The following SLC35F2 variants were observed in gnomAD, a reference collection of about 807,000 sequenced individuals.
The protein encoded by SLC35F2 is solute carrier family 35 member F2.
In SLC35F2, 25 loss-of-function variants were observed where a neutral mutation model predicts 38.1. That is an observed-to-expected ratio of 0.66 (90% confidence interval 0.48 to 0.92). The LOEUF is 0.92. Among genes scored for constraint, SLC35F2 ranks in the 40% least tolerant of loss-of-function variants. SLC35F2 has a pLI of 0.00. For missense variants in SLC35F2, 409 were observed against 452.9 expected (o/e 0.90, Z 0.88); for synonymous variants, 173 against 181.7 (o/e 0.95, Z 0.38).
chr11:107,821,590 A>C (rs1859674262), intron 1 of SLC35F2: 1 of 985,456 alleles, frequency 1.0e-6, no homozygotes, highest in Admixed American at 6.1e-5. Context: ...ATAAATTTGT[A>C]CAAGGTCCTG....
chr11:107,851,654 A>G (rs1860188806), intron 1 of SLC35F2, among the ~76,000 whole-genome samples: 2 of 151,952 alleles, frequency 1.3e-5, no homozygotes, highest in Admixed American at 6.6e-5. Flanking sequence ...CATGCATCCC[A>G]TATTTTTTGT....
chr11:107,791,823 C>G lies in SLC35F2; in HGVS notation c.*792G>C, dbSNP rs1250826897. 2.6e-5 allele frequency: 4 copies of G among 152,130 alleles called. No homozygotes were observed. The highest frequency in any genetic ancestry group is 9.7e-5 in the African/African-American group (4 of 41,412). 9.4% of individuals were successfully genotyped at this position (152,130 alleles called of 1,614,324 possible). ...GTCGGGAGGTCAAGACCAGCCTGGG[C>G]AACATGGTGAAACCCCATGTCTACT... is the stretch of plus-strand genomic sequence containing the variant. On this transcript the variant is annotated 3_prime_UTR_variant, in exon 8 of 8. Coordinates refer to ENST00000525815, the MANE Select transcript of SLC35F2 (RefSeq NM_017515.5).
intron 1 of SLC35F2, among the ~76,000 whole-genome samples, chr11:107,850,278 G>A (rs1455168016): frequency 6.6e-6 from 1 of 152,168 alleles, no homozygotes; most frequent in African/African-American, 2.4e-5. Context: ...TGGAGGCTGG[G>A]AGTTGGAAGC....
chr11:107,822,473 A>G (rs1859688280), intron 1 of SLC35F2, among the ~76,000 whole-genome samples: 1 of 152,184 alleles, frequency 6.6e-6, no homozygotes, highest in Admixed American at 6.5e-5. Flanking sequence ...CAAGGAATTT[A>G]GAATTAAGAC....
chr11:107,827,258 A>T (rs1277750397), intron 1 of SLC35F2, among the ~76,000 whole-genome samples: 1 of 152,134 alleles, frequency 6.6e-6, no homozygotes, highest in African/African-American at 2.4e-5. Flanking sequence ...AACAATGACT[A>T]ATCCATTAAT....
In SLC35F2 at chr11:107,823,966, A is replaced by G. The variant is rs1433463804; in HGVS notation, c.111-8001T>C. 3 of 975,406 alleles carry G rather than the reference A, an allele frequency of 3.1e-6. No homozygotes were observed. In the African/African-American group the frequency reaches 5.3e-5, roughly 17 times the overall value. 60.4% of individuals were successfully genotyped at this position (975,406 alleles called of 1,614,324 possible). On this transcript the variant is annotated intron_variant, in intron 1 of 7. Transcript: ENST00000525815. ...AAAGAAAAAAGAAAAGAAATAAATT[A>G]TAAGTAGCTTTTCTTTACATAGTGA...
At chr11:107,843,894 T>A (rs1860061171) in intron 1 of SLC35F2, among the ~76,000 whole-genome samples, 13 of 128,572 alleles carry the variant, frequency 1.0e-4, no homozygotes, top group East Asian at 2.2e-4. Flanking sequence ...TATATATATA[T>A]ATATATATAT....
intron 1 of SLC35F2, among the ~76,000 whole-genome samples, chr11:107,854,852 A>G (rs535778192): frequency 2.1e-4 from 32 of 152,294 alleles, no homozygotes; most frequent in African/African-American, 7.7e-4. Context: ...GAAATGAGCT[A>G]TGTGGTTATA....
At chr11:107,813,900 G>C (rs955290248) in intron 2 of SLC35F2, among the ~76,000 whole-genome samples, 1 of 152,082 alleles carries the variant, frequency 6.6e-6, no homozygotes, top group Non-Finnish European at 1.5e-5. Flanking sequence ...CCTGGCCTCA[G>C]GTGATCCTCC....
At chr11:107,820,457 A>G (rs113941379) in intron 1 of SLC35F2, among the ~76,000 whole-genome samples, 100 of 152,088 alleles carry the variant, frequency 6.6e-4, no homozygotes, top group African/African-American at 2.3e-3. Flanking sequence ...ATCACACAGG[A>G]GCAGTGTTAA....
At chr11:107,807,385 G>A (rs933948262) in intron 3 of SLC35F2, among the ~76,000 whole-genome samples, 2 of 151,610 alleles carry the variant, frequency 1.3e-5, no homozygotes, top group Non-Finnish European at 2.9e-5. Context: ...GGAGTTCAAG[G>A]ATGCAGTGAG....
At chr11:107,823,067 T>C (rs1591196726) in intron 1 of SLC35F2, 1 of 774,750 alleles carries the variant, frequency 1.3e-6, no homozygotes, top group Non-Finnish European at 1.6e-6. Context: ...TCAAATTAGA[T>C]AGGCAGTCCT....
Position 107,804,567 on chromosome 11 carries a change from A to C in SLC35F2, c.784+151T>G, listed in dbSNP as rs1052849660. On this transcript the variant is annotated intron_variant, in intron 6 of 7. Transcript: ENST00000525815. ...AGCTTATCTACCAATTTTCAGAGAA[A>C]ACTCAATGTAAACCACTATAGTTGA... The C allele has an allele frequency of 5.5e-6, 3 of 547,276 alleles. No homozygotes were observed. In the African/African-American group the frequency reaches 6.0e-5, roughly 11 times the overall value. The allele number at this position is 547,276 out of a possible 1,614,324, so 33.9% of individuals were successfully genotyped here. A position where few individuals can be genotyped will look rare whatever the true frequency, so the allele number is the denominator to read the frequency against.
chr11:107,817,258 A>T (rs939413071), intron 1 of SLC35F2, among the ~76,000 whole-genome samples: 8 of 152,046 alleles, frequency 5.3e-5, no homozygotes, highest in Non-Finnish European at 8.8e-5. Context: ...CCTGGGTGAC[A>T]GAATGAGACG....
chr11:107,840,294 G>C (rs1431732913), intron 1 of SLC35F2, among the ~76,000 whole-genome samples: 1 of 152,198 alleles, frequency 6.6e-6, no homozygotes. Context: ...TGGATTGCAA[G>C]AGAGTACATC....
At chr11:107,858,270 G>A (rs1860328307) in intron 1 of SLC35F2, among the ~76,000 whole-genome samples, 1 of 152,216 alleles carries the variant, frequency 6.6e-6, no homozygotes, top group African/African-American at 2.4e-5. Flanking sequence ...GAGGGCGCCG[G>A]CGCCAGGAAG....
intron 1 of SLC35F2, among the ~76,000 whole-genome samples, chr11:107,842,818 AAAG>A (rs1174806574): frequency 1.3e-5 from 2 of 152,232 alleles, no homozygotes; most frequent in African/African-American, 4.8e-5. Context: ...TCTGTGAATG[AAAG>A]AAGCCCTTTA....
intron 1 of SLC35F2, among the ~76,000 whole-genome samples, chr11:107,844,669 T>G (rs1255630926): frequency 2.4e-5 from 3 of 122,866 alleles, no homozygotes; most frequent in South Asian, 5.6e-4. Context: ...AATAAATAAA[T>G]AAAGTTATTG....
chr11:107,817,498 T>C (rs1859593682), intron 1 of SLC35F2, among the ~76,000 whole-genome samples: 1 of 152,050 alleles, frequency 6.6e-6, no homozygotes. Context: ...GTCTCCACAC[T>C]GCAGCAGGAG....
Sources: gnomAD v4.1 joint callset for allele counts (sites outside exome capture counted in the v4.1 genomes callset) on GRCh38, gnomAD v4.1.1 for gene constraint, MANE v1.5 for transcripts, NCBI Gene and HGNC (gene_info 2026-07-23, HGNC 2026-07-21) for gene names.